Variants in CAMKMT observed in about 807,000 individuals in gnomAD.
CAMKMT encodes CaM KMT.
In CAMKMT, 53 loss-of-function variants were observed where a neutral mutation model predicts 48.0. That is an observed-to-expected ratio of 1.10 (90% CI 0.89 to 1.39). The LOEUF (loss-of-function observed/expected upper bound fraction) is 1.39, where lower values mean the gene tolerates loss of function less well. Ranked by LOEUF, CAMKMT falls within the 40% of genes most tolerant of loss-of-function variation. CAMKMT has a pLI of 0.00. For synonymous variants in CAMKMT, 165 were observed against 152.3 expected, an observed-to-expected ratio of 1.08 and a Z score of -0.61; for missense variants, 428 against 402.7, an observed-to-expected ratio of 1.06 and a Z score of -0.54.
intron 3 of CAMKMT, among the ~76,000 whole-genome samples, chr2:44,533,277 C>T (rs995256192): frequency 4.0e-5 from 6 of 150,024 alleles, no homozygotes; most frequent in East Asian, 2.0e-4. Context: ...TCTCTTTTGT[C>T]GCCCAGGCTG....
At chr2:44,650,851 G>GAA (rs11362435) in intron 3 of CAMKMT, among the ~76,000 whole-genome samples, 2 of 144,014 alleles carry the variant, frequency 1.4e-5, no homozygotes, top group African/African-American at 2.6e-5. Flanking sequence ...TATTGCACAA[G>GAA]AAAAAAAAAA....
At chr2:44,686,392 CAAA>C (rs35238467) in intron 3 of CAMKMT, among the ~76,000 whole-genome samples, 4 of 113,254 alleles carry the variant, frequency 3.5e-5, no homozygotes, top group African/African-American at 1.3e-4. Flanking sequence ...GACTCTGCCT[CAAA>C]AAAAAAAAAA....
At chr2:44,404,546 A>C (rs937695099) in intron 3 of CAMKMT, among the ~76,000 whole-genome samples, 1 of 152,130 alleles carries the variant, frequency 6.6e-6, no homozygotes, top group Admixed American at 6.5e-5. Context: ...ATACATTCAA[A>C]TAGCATGCCC....
intron 3 of CAMKMT, among the ~76,000 whole-genome samples, chr2:44,527,778 G>T (rs1382922037): frequency 8.6e-5 from 9 of 104,388 alleles, no homozygotes; most frequent in Admixed American, 1.2e-4. Flanking sequence ...CCTCCCACAT[G>T]TGTACAGCCC....
Position 44,653,190 on chromosome 2 carries a change from G to A in CAMKMT, c.377-51093G>A, listed in dbSNP as rs555283419. On this transcript the variant is annotated intron_variant, in intron 3 of 10. Coordinates refer to ENST00000378494, the MANE Select transcript of CAMKMT (RefSeq NM_024766.5). This position sits in a 1 kb window ranked among gnomAD's most constrained non-coding sequence, Gnocchi z 5.2. ...TTATTATTTCTCACTTCACTAGCTC[G>A]TGAGCTCCTTTAAAGCAAGGGACAT... 3.3e-5 allele frequency among the ~76,000 whole-genome samples: 5 copies of A among 152,064 alleles called. No homozygotes were observed. In the East Asian group the frequency reaches 7.7e-4, roughly 24 times the overall value.
chr2:44,402,187 G>A (rs1169248265), intron 3 of CAMKMT, among the ~76,000 whole-genome samples: 1 of 152,016 alleles, frequency 6.6e-6, no homozygotes, highest in Non-Finnish European at 1.5e-5. Context: ...AAATTAGCCA[G>A]GCCTGGTGGC....
At chr2:44,597,436 G>T (rs1386626368) in intron 3 of CAMKMT, among the ~76,000 whole-genome samples, 1 of 152,164 alleles carries the variant, frequency 6.6e-6, no homozygotes, top group Non-Finnish European at 1.5e-5. Flanking sequence ...AACTTACACA[G>T]GGAGCATGTC....
intron 3 of CAMKMT, among the ~76,000 whole-genome samples, chr2:44,429,149 C>G (rs1402735815): frequency 1.3e-5 from 2 of 152,124 alleles, no homozygotes; most frequent in African/African-American, 4.8e-5. Context: ...CCTAGACATA[C>G]CAGAATCTCA....
chr2:44,515,440 T>C (rs1232669027), intron 3 of CAMKMT, among the ~76,000 whole-genome samples: 1 of 152,190 alleles, frequency 6.6e-6, no homozygotes, highest in African/African-American at 2.4e-5. Context: ...TGGAATATCT[T>C]AGAACACATG....
intron 3 of CAMKMT, among the ~76,000 whole-genome samples, chr2:44,654,688 A>G (rs1251587237): frequency 2.0e-5 from 3 of 151,850 alleles, no homozygotes; most frequent in South Asian, 4.2e-4. Flanking sequence ...AATTTTTTGT[A>G]TTTTTTGGTA....
chr2:44,678,915 C>T (rs934863976), intron 3 of CAMKMT, among the ~76,000 whole-genome samples: 2 of 152,152 alleles, frequency 1.3e-5, no homozygotes, highest in Admixed American at 6.5e-5. Flanking sequence ...CTATTTTTCT[C>T]CCATTCTAAT....
chr2:44,720,725 T>C (rs139671389), intron 7 of CAMKMT, among the ~76,000 whole-genome samples: 6 of 152,290 alleles, frequency 3.9e-5, no homozygotes, highest in African/African-American at 1.4e-4. Context: ...GGATTGTGTC[T>C]ATTTGTACAA....
intron 3 of CAMKMT, among the ~76,000 whole-genome samples, chr2:44,644,844 A>G (rs1283053239): frequency 1.3e-5 from 2 of 152,148 alleles, no homozygotes; most frequent in Non-Finnish European, 2.9e-5. Context: ...GTCATGTCAC[A>G]TTTTTATGCT....
At chr2:44,363,375 T>A (rs905938780) in intron 1 of CAMKMT, among the ~76,000 whole-genome samples, 1 of 151,624 alleles carries the variant, frequency 6.6e-6, no homozygotes, top group African/African-American at 2.4e-5. Context: ...CAACCCCCCT[T>A]CCCCCCTCCT....
At chr2:44,406,646 G>A (rs115510973) in intron 3 of CAMKMT, among the ~76,000 whole-genome samples, 2,064 of 152,266 alleles carry the variant, frequency 0.014, 25 homozygotes, top group Non-Finnish European at 0.023. Context: ...GCCCAGGCTG[G>A]AATGCAGTGG....
intron 3 of CAMKMT, among the ~76,000 whole-genome samples, chr2:44,421,399 C>T (rs1028964194): frequency 3.0e-4 from 46 of 152,252 alleles, no homozygotes; most frequent in Admixed American, 2.2e-3. Flanking sequence ...TAAAGATCCT[C>T]TCTCAGCTAA....
intron 7 of CAMKMT, among the ~76,000 whole-genome samples, chr2:44,724,938 T>G (rs1678696590): frequency 1.3e-5 from 2 of 152,166 alleles, no homozygotes; most frequent in Admixed American, 1.3e-4. Context: ...TGTTTTATTG[T>G]CACAATAGCT....
intron 3 of CAMKMT, among the ~76,000 whole-genome samples, chr2:44,463,464 G>A (rs1310464654): frequency 6.6e-6 from 1 of 152,144 alleles, no homozygotes; most frequent in African/African-American, 2.4e-5. Flanking sequence ...CATGGCTTCT[G>A]CCTTGAGAGG....
rs1256891117 is a variant in CAMKMT, at chr2:44,588,573, G to A, written c.377-115710G>A. Among the ~76,000 whole-genome samples, 6 of 30,488 alleles carry A rather than the reference G, an allele frequency of 2.0e-4. 1 individual carries two copies. Among genetic ancestry groups the A allele is most frequent in the Admixed American group, 3.4e-4 (1 of 2,920 alleles). The allele number at this position is 30,488 out of a possible 152,430, so 20.0% of individuals were successfully genotyped here. ...CCGGGAAGTGAGGACCCCTCTGCCC[G>A]GCCAGCCGCCCCGTCCAGGAGGGAG... On this transcript the variant is annotated intron_variant, in intron 3 of 10. Coordinates refer to ENST00000378494, the MANE Select transcript of CAMKMT (RefSeq NM_024766.5).
Sources: gnomAD v4.1 joint callset for allele counts (sites outside exome capture counted in the v4.1 genomes callset) on GRCh38, gnomAD v4.1.1 for gene constraint, Gnocchi (gnomAD v3.1) non-coding constraint, MANE v1.5 for transcripts, NCBI Gene and HGNC (gene_info 2026-07-23, HGNC 2026-07-21) for gene names.